TFF3: variants seen among roughly 807,000 people sequenced by gnomAD.
TFF3 encodes the protein polypeptide P1.B.
In TFF3, 6 loss-of-function variants were observed where a neutral mutation model predicts 9.7. That is an observed-to-expected ratio of 0.62 (90% confidence interval 0.34 to 1.22). TFF3 has a LOEUF of 1.22. Ranked by LOEUF, TFF3 falls within the 50% of genes most tolerant of loss-of-function variation. TFF3 has a pLI of 0.04. For synonymous variants in TFF3, 48 were observed against 41.4 expected (o/e 1.16, Z -0.61); for missense variants, 93 against 98.6 (o/e 0.94, Z 0.24).
Position 42,314,279 on chromosome 21 carries a change from C to T in TFF3, c.83-648G>A, listed in dbSNP as rs533973220. Among the ~76,000 whole-genome samples the T allele has an allele frequency of 9.8e-5, 15 of 152,350 alleles. No homozygotes were observed. The South Asian group carries it at 2.9e-3, about 29-fold the overall frequency. On this transcript the variant is annotated intron_variant, in intron 1 of 2. Transcript: ENST00000518498. ...CACGTGCAGTGTCTTACATTCCCTT[C>T]TCTTGCTCCCAGTCCGTAATTGCTT...
Position 42,312,199 on chromosome 21 carries a change from G to A in TFF3, c.*57C>T, listed in dbSNP as rs781439071. The A allele has an allele frequency of 6.2e-7, 1 of 1,612,988 alleles. No homozygotes were observed. The highest frequency in any genetic ancestry group is 8.5e-7 in the Non-Finnish European group (1 of 1,179,116). ...TGAACAGTGCCTGGCAGCAATCACA[G>A]CCGGGCAAGGGTGCTCCGAGCCTCG... On this transcript the variant is annotated 3_prime_UTR_variant, in exon 3 of 3. Transcript: ENST00000518498.
At chr21:42,314,651 C>G (rs2069348835) in intron 1 of TFF3, among the ~76,000 whole-genome samples, 1 of 152,204 alleles carries the variant, frequency 6.6e-6, no homozygotes, top group Non-Finnish European at 1.5e-5. Flanking sequence ...AAGGCTATCT[C>G]AAAACAAAAC....
At chr21:42,314,189 T>C (rs548968768) in intron 1 of TFF3, among the ~76,000 whole-genome samples, 30 of 152,310 alleles carry the variant, frequency 2.0e-4, no homozygotes, top group African/African-American at 6.5e-4. Flanking sequence ...TCTATGTCTG[T>C]ATGTGCAGCA....
chr21:42,313,550 C>T lies in TFF3; in HGVS notation c.164G>A (p.Arg55Gln), dbSNP rs772064210. The T allele has an allele frequency of 1.7e-5, 27 of 1,611,046 alleles. No homozygotes were observed. The highest frequency in any genetic ancestry group is 8.8e-5 in the South Asian group (8 of 90,784). The change falls in exon 2 of 3, where the codon CGG (arginine) becomes CAG (glutamine). Residue 55 changes from arginine (R) to glutamine (Q), a missense_variant. Coordinates refer to ENST00000518498, the MANE Select transcript of TFF3 (RefSeq NM_003226.4). This position sits in a 1 kb window ranked among gnomAD's most constrained non-coding sequence, Gnocchi z 4.0. ...GATCCTGGAGTCAAAGCAGCAGCCC[C>T]GGTTGTTGCACTCCTTGGGGGTGAC... ...PHVTPKECNNRGCCFDSRIPG... is the reference protein window; with the variant it reads ...PHVTPKECNNQGCCFDSRIPG...
At chr21:42,314,464 G>A (rs753475091) in intron 1 of TFF3, among the ~76,000 whole-genome samples, 2 of 152,120 alleles carry the variant, frequency 1.3e-5, no homozygotes, top group Non-Finnish European at 2.9e-5. Flanking sequence ...GACCAGCTTG[G>A]CCAACATAGC....
chr21:42,312,075 G>T lies in TFF3; in HGVS notation c.*181C>A. 3.7e-6 allele frequency: 3 copies of T among 818,904 alleles called. No individual in the cohort carries two copies. The highest frequency in any genetic ancestry group is 2.8e-5 in the South Asian group (2 of 70,746). The allele number at this position is 818,904 out of a possible 1,614,324, so 50.7% of individuals were successfully genotyped here. ...GTCTCAGGCACGAAGAACTGTCCTCGGGTGGAGCATGGGACCTTTATTCGT... is the reference window on the plus strand; with the variant it reads ...GTCTCAGGCACGAAGAACTGTCCTCTGGTGGAGCATGGGACCTTTATTCGT... On this transcript the variant is annotated 3_prime_UTR_variant, in exon 3 of 3. Transcript: ENST00000518498.
At chr21:42,312,323 A>G in intron 2 of TFF3, 54 bp from the exon 3 acceptor site, 1 of 1,546,708 alleles carries the variant, frequency 6.5e-7, no homozygotes. Flanking sequence ...CACGCTGCCC[A>G]GCTTCCCAAG....
intron 1 of TFF3, 121 bp downstream of exon 1, chr21:42,315,172 C>T (rs1048219074): frequency 1.3e-5 from 17 of 1,329,246 alleles, no homozygotes; most frequent in Non-Finnish European, 1.5e-5. Flanking sequence ...AAAGGGCTAG[C>T]GCAGGAAAAA....
In TFF3 at chr21:42,315,367, G is replaced by C. The variant is rs1601480475; in HGVS notation, c.8C>G (p.Ala3Gly). The change falls in exon 1 of 3, where the codon GCC becomes GGC. Residue 3 changes from alanine to glycine, a missense_variant. Transcript: ENST00000518498. ...CAGCCCCAGCATGCAGAGCGCTCTG[G>C]CAGCCATGACCACCGTGGGCTCCGG... MA[A>G]RALCMLGLVL... The C allele has an allele frequency of 1.2e-6, 2 of 1,614,204 alleles. No individual in the cohort carries two copies. The highest frequency in any genetic ancestry group is 1.7e-6 in the Non-Finnish European group (2 of 1,180,044).
In TFF3 at chr21:42,313,050, G is replaced by A. The variant is rs1015834402; in HGVS notation, c.229+435C>T. ...TTGTGGGGGGCAGAGTGGGGGAGGTGGGGTGTGGCACCGAGGCCTGACGTC... is the reference window on the plus strand; with the variant it reads ...TTGTGGGGGGCAGAGTGGGGGAGGTAGGGTGTGGCACCGAGGCCTGACGTC... On this transcript the variant is annotated intron_variant, in intron 2 of 2. Transcript: ENST00000518498. The surrounding 1 kb of genome is among the most constrained non-coding windows in gnomAD (Gnocchi z 4.0). Among the ~76,000 whole-genome samples, 1 of 152,108 alleles carries A rather than the reference G, an allele frequency of 6.6e-6. No homozygotes were observed. Among genetic ancestry groups the A allele is most frequent in the Non-Finnish European group, 1.5e-5 (1 of 67,996 alleles).
Position 42,312,111 on chromosome 21 carries a change from G to T in TFF3, c.*145C>A. 9.2e-7 allele frequency: 1 copy of T among 1,083,212 alleles called. No homozygotes were observed. Among genetic ancestry groups the T allele is most frequent in the Non-Finnish European group, 1.4e-6 (1 of 698,298 alleles). 67.1% of individuals were successfully genotyped at this position (1,083,212 alleles called of 1,614,324 possible). Reference sequence around the variant, plus strand: ...GGGACCTTTATTCGTTAAGACATCAGGCTCCAGATATGAACTTTCAGCAGA... The same window carrying T: ...GGGACCTTTATTCGTTAAGACATCATGCTCCAGATATGAACTTTCAGCAGA... On this transcript the variant is annotated 3_prime_UTR_variant, in exon 3 of 3. Coordinates refer to ENST00000518498, the MANE Select transcript of TFF3 (RefSeq NM_003226.4).
At position 42,313,067 on chromosome 21, in the gene TFF3, C is replaced by T. The variant is rs970831602; in HGVS notation, c.229+418G>A. On this transcript the variant is annotated intron_variant, in intron 2 of 2. Coordinates refer to ENST00000518498, the MANE Select transcript of TFF3 (RefSeq NM_003226.4). The surrounding 1 kb of genome is among the most constrained non-coding windows in gnomAD (Gnocchi z 4.0). The stretch of plus-strand genomic sequence containing the variant: ...GGGGAGGTGGGGTGTGGCACCGAGG[C>T]CTGACGTCTAGGGCTGGGACCGCCT... Among the ~76,000 whole-genome samples the T allele has an allele frequency of 6.6e-6, 1 of 152,066 alleles. No individual in the cohort carries two copies. Among genetic ancestry groups the T allele is most frequent in the Non-Finnish European group, 1.5e-5 (1 of 68,002 alleles).
At chr21:42,315,117 C>T (rs1009827247) in intron 1 of TFF3, among the ~76,000 whole-genome samples, 176 bp downstream of exon 1, 10 of 152,216 alleles carry the variant, frequency 6.6e-5, no homozygotes, top group African/African-American at 1.9e-4. Flanking sequence ...TTCTCTGAGC[C>T]TCGGTTTCCT....
intron 1 of TFF3, among the ~76,000 whole-genome samples, chr21:42,314,122 G>A (rs930731734): frequency 6.6e-6 from 1 of 152,184 alleles, no homozygotes; most frequent in Admixed American, 6.5e-5. Flanking sequence ...TGTTGAGCAT[G>A]TCCCACCCTC....
Position 42,312,261 on chromosome 21 carries a change from A to C in TFF3, c.238T>G (p.Phe80Val). 4 of 1,610,882 alleles carry C rather than the reference A, an allele frequency of 2.5e-6. No individual in the cohort carries two copies. Among genetic ancestry groups the C allele is most frequent in the South Asian group, 2.2e-5 (2 of 90,776 alleles). ...FKPLQEAECT[F>V] is the part of the protein sequence containing the mutation. ...CGGGGGCAGCTGGAGGTGCCTCAGA[A>C]GGTGCATTCTGCAAACAGAGCAAAG... The change falls in exon 3 of 3, where the codon TTC becomes GTC. Residue 80 changes from phenylalanine (F) to valine (V), a missense_variant. Phe to Val is a conservative substitution (Grantham distance 50). Coordinates refer to ENST00000518498, the MANE Select transcript of TFF3 (RefSeq NM_003226.4).
rs760792447 is a variant in TFF3 at position 42,313,569 on chromosome 21, G to T, written c.145C>A (p.Pro49Thr). ...CAGCCCCGGTTGTTGCACTCCTTGG[G>T]GGTGACATGGGGGTAGCCGCAGTCC... ...RVDCGYPHVTPKECNNRGCCF... is the reference protein window; with the variant it reads ...RVDCGYPHVTTKECNNRGCCF... The change falls in exon 2 of 3, where the codon CCC (proline) becomes ACC (threonine). Residue 49 changes from proline to threonine, a missense_variant. By Grantham distance (38) the Pro-to-Thr change is conservative. Coordinates refer to ENST00000518498, the MANE Select transcript of TFF3 (RefSeq NM_003226.4). This position sits in a 1 kb window ranked among gnomAD's most constrained non-coding sequence, Gnocchi z 4.0. The T allele has an allele frequency of 1.2e-4, 189 of 1,611,172 alleles. No homozygotes were observed. Among genetic ancestry groups the T allele is most frequent in the Non-Finnish European group, 1.5e-4 (174 of 1,179,618 alleles).
chr21:42,313,825 A>G lies in TFF3; in HGVS notation c.83-194T>C, dbSNP rs1171643438. On this transcript the variant is annotated intron_variant, in intron 1 of 2. Coordinates refer to ENST00000518498, the MANE Select transcript of TFF3 (RefSeq NM_003226.4). The surrounding 1 kb of genome is among the most constrained non-coding windows in gnomAD (Gnocchi z 4.0). Reference sequence around the variant, plus strand: ...AAGAGAGGCAGTCTGTTAAATGCTCAGCTCGGGGACTCTGGCCATTTGCCT... The same window carrying G: ...AAGAGAGGCAGTCTGTTAAATGCTCGGCTCGGGGACTCTGGCCATTTGCCT... 3 of 597,360 alleles carry G rather than the reference A, an allele frequency of 5.0e-6. No individual in the cohort carries two copies. Among genetic ancestry groups the G allele is most frequent in the Non-Finnish European group, 8.2e-6 (3 of 364,956 alleles). The allele number at this position is 597,360 out of a possible 1,614,324, so 37.0% of individuals were successfully genotyped here. A position where few individuals can be genotyped will look rare whatever the true frequency, so the allele number is the denominator to read the frequency against.
At chr21:42,312,976 C>A (rs1177075116) in intron 2 of TFF3, among the ~76,000 whole-genome samples, 2 of 152,104 alleles carry the variant, frequency 1.3e-5, no homozygotes, top group African/African-American at 4.8e-5. Context: ...AGGGTGGTTG[C>A]CCTGCACCTG....
Position 42,315,073 on chromosome 21 carries a change from A to G in TFF3, c.82+220T>C, listed in dbSNP as rs117044715. 5.0e-3 allele frequency among the ~76,000 whole-genome samples: 764 copies of G among 152,356 alleles called. 3 individuals are homozygous for G. The highest frequency in any genetic ancestry group is 8.3e-3 in the Non-Finnish European group (565 of 68,028). ...GGCTCAAACCCTGATTTCAACACAGACTGGGCAGGGCTGCCTTGGATAAGT... is the reference window on the plus strand; with the variant it reads ...GGCTCAAACCCTGATTTCAACACAGGCTGGGCAGGGCTGCCTTGGATAAGT... On this transcript the variant is annotated intron_variant, in intron 1 of 2. Transcript: ENST00000518498.
Sources: gnomAD v4.1 joint callset for allele counts (sites outside exome capture counted in the v4.1 genomes callset) on GRCh38, gnomAD v4.1.1 for gene constraint, Gnocchi (gnomAD v3.1) non-coding constraint, MANE v1.5 for transcripts, NCBI Gene and HGNC (gene_info 2026-07-23, HGNC 2026-07-21) for gene names.